LPL: variants seen among roughly 807,000 people sequenced by gnomAD.
LPL encodes lipoprotein lipase.
LPL carries 43 observed loss-of-function variants against 52.2 expected under a neutral mutation model. That is an observed-to-expected ratio of 0.82 (90% CI 0.64 to 1.06). The LOEUF (loss-of-function observed/expected upper bound fraction) is 1.06, where lower values mean the gene tolerates loss of function less well. Ranked by LOEUF, LPL falls within the 50% of genes least tolerant of loss-of-function variation. LPL has a pLI of 0.00. For synonymous variants in LPL, 244 were observed against 215.6 expected (o/e 1.13, Z -1.15); for missense variants, 639 against 585.3 (o/e 1.09, Z -0.95).
At chr8:19,940,068 G>T (rs1339364033) in intron 1 of LPL, among the ~76,000 whole-genome samples, 1 of 152,206 alleles carries the variant, frequency 6.6e-6, no homozygotes, top group African/African-American at 2.4e-5. Context: ...GCCGCACGGG[G>T]TACGCTCGCC....
chr8:19,956,709 G>C (rs1464591285), intron 6 of LPL, among the ~76,000 whole-genome samples: 1 of 152,128 alleles, frequency 6.6e-6, no homozygotes, highest in African/African-American at 2.4e-5. Context: ...TATTGTCAAA[G>C]GCTGGTTTCA....
rs754858152 is a variant in LPL, at chr8:19,951,822, G to T, written c.303G>T (p.Lys101Asn). Reference protein sequence around the residue: ...WVPKLVAALYKREPDSNVIVV... With the variant: ...WVPKLVAALYNREPDSNVIVV... ...CAAAACTTGTGGCCGCCCTGTACAA[G>T]AGAGAACCAGACTCCAATGTCATTG... The change falls in exon 3 of 10, where the codon AAG becomes AAT. Residue 101 changes from lysine (K) to asparagine (N), a missense_variant. By Grantham distance (94) the Lys-to-Asn change is moderately conservative (BLOSUM62 0). Coordinates refer to ENST00000650287, the MANE Select transcript of LPL (RefSeq NM_000237.3). 6.2e-7 allele frequency: 1 copy of T among 1,614,166 alleles called. No homozygotes were observed. Among genetic ancestry groups the T allele is most frequent in the Non-Finnish European group, 8.5e-7 (1 of 1,180,034 alleles).
intron 4 of LPL, among the ~76,000 whole-genome samples, 195 bp from the exon 5 acceptor site, chr8:19,953,925 T>C (rs988954450): frequency 2.6e-5 from 4 of 152,234 alleles, no homozygotes; most frequent in African/African-American, 9.6e-5. Flanking sequence ...AAGGCTAGTT[T>C]AAGAGACTCA....
rs2069866701 is a variant in LPL, at chr8:19,944,460, A to G, written c.89-3720A>G. Among the ~76,000 whole-genome samples, 1 of 137,062 alleles carries G rather than the reference A, an allele frequency of 7.3e-6. No individual in the cohort carries two copies. 89.9% of individuals were successfully genotyped at this position (137,062 alleles called of 152,430 possible). The stretch of plus-strand genomic sequence containing the variant: ...GAGTGAGAGAAAAGGGGGGAGAGAG[A>G]GAGAAAGGGGTGGGGGGATAACAGG... On this transcript the variant is annotated intron_variant, in intron 1 of 9. Coordinates refer to ENST00000650287, the MANE Select transcript of LPL (RefSeq NM_000237.3). This position sits in a 1 kb window ranked among gnomAD's most constrained non-coding sequence, Gnocchi z 4.2.
intron 9 of LPL, among the ~76,000 whole-genome samples, chr8:19,964,052 A>C (rs1338041922): frequency 2.0e-5 from 3 of 151,892 alleles, no homozygotes; most frequent in Non-Finnish European, 4.4e-5. Context: ...TCCTGGGTTC[A>C]AGCAATTCTC....
At chr8:19,960,133 T>C (rs1443786246) in intron 7 of LPL, among the ~76,000 whole-genome samples, 3 of 152,150 alleles carry the variant, frequency 2.0e-5, no homozygotes, top group Non-Finnish European at 4.4e-5. Flanking sequence ...GGCAACTTGA[T>C]ACTTTTACAA....
chr8:19,941,001 A>G (rs533158830), intron 1 of LPL, among the ~76,000 whole-genome samples: 1 of 152,098 alleles, frequency 6.6e-6, no homozygotes, highest in African/African-American at 2.4e-5. Context: ...AGGCTGAGAG[A>G]TCACTTGAGC....
intron 6 of LPL, 105 bp downstream of exon 6, chr8:19,956,188 G>C: frequency 6.6e-7 from 1 of 1,512,342 alleles, no homozygotes; most frequent in Non-Finnish European, 9.1e-7. Flanking sequence ...GATGATGACT[G>C]GTGTTACTAA....
chr8:19,958,834 G>A (rs1244222153), intron 6 of LPL, among the ~76,000 whole-genome samples: 1 of 152,174 alleles, frequency 6.6e-6, no homozygotes, highest in African/African-American at 2.4e-5. Context: ...CAAACACAGT[G>A]ACATATAGTG....
At chr8:19,943,618 T>TA (rs1470856743) in intron 1 of LPL, among the ~76,000 whole-genome samples, 2 of 152,176 alleles carry the variant, frequency 1.3e-5, no homozygotes, top group Non-Finnish European at 2.9e-5. Flanking sequence ...GTATTTCACT[T>TA]AAAAAATCTT....
chr8:19,965,174 T>C lies in LPL; in HGVS notation c.*-136T>C. 4.4e-6 allele frequency: 3 copies of C among 685,454 alleles called. No individual in the cohort carries two copies. The Admixed American group carries it at 6.3e-5, about 14-fold the overall frequency. 42.5% of individuals were successfully genotyped at this position (685,454 alleles called of 1,614,324 possible). Reference sequence around the variant, plus strand: ...TCTGATCCATTATACACATCTCCCCTGGGTTTATTCTCACAACCTTTGTTC... The same window carrying C: ...TCTGATCCATTATACACATCTCCCCCGGGTTTATTCTCACAACCTTTGTTC... On this transcript the variant is annotated intron_variant, in intron 9 of 9. Transcript: ENST00000650287.
intron 7 of LPL, 55 bp from the exon 8 acceptor site, chr8:19,960,846 G>T (rs2070031618): frequency 1.2e-5 from 16 of 1,312,834 alleles, no homozygotes; most frequent in Non-Finnish European, 1.8e-5. Context: ...AAAAAAGTGG[G>T]GGGCAGGGAG....
Position 19,965,767 on chromosome 8 carries a change from A to T in LPL, c.*457A>T, listed in dbSNP as rs2070081526. 1 of 158,182 alleles carries T rather than the reference A, an allele frequency of 6.3e-6. No individual in the cohort carries two copies. The highest frequency in any genetic ancestry group is 1.4e-5 in the Non-Finnish European group (1 of 72,040). The allele number at this position is 158,182 out of a possible 1,614,324, so 9.8% of individuals were successfully genotyped here. On this transcript the variant is annotated 3_prime_UTR_variant, in exon 10 of 10. Coordinates refer to ENST00000650287, the MANE Select transcript of LPL (RefSeq NM_000237.3). Reference sequence around the variant, plus strand: ...ACAGAAAATGCTTTTCCGCGGCACGAATCAGACTCATCTACACAGCAGTAT... The same window carrying T: ...ACAGAAAATGCTTTTCCGCGGCACGTATCAGACTCATCTACACAGCAGTAT...
chr8:19,954,317 G>A lies in LPL; in HGVS notation c.739G>A (p.Glu247Lys), dbSNP rs905583712. The stretch of plus-strand genomic sequence containing the variant: ...TTTTCAGCCAGGATGTAACATTGGA[G>A]AAGCTATCCGCGTGATTGCAGAGAG... ...GTFQPGCNIGEAIRVIAERGL... is the reference protein window; with the variant it reads ...GTFQPGCNIGKAIRVIAERGL... Residue 247 changes from glutamate to lysine, a missense_variant, in exon 5 of 10, where the codon GAA becomes AAA. Glu to Lys is a moderately conservative substitution (Grantham distance 56). Coordinates refer to ENST00000650287, the MANE Select transcript of LPL (RefSeq NM_000237.3). 1 of 1,614,042 alleles carries A rather than the reference G, an allele frequency of 6.2e-7. No individual in the cohort carries two copies. The highest frequency in any genetic ancestry group is 1.3e-5 in the African/African-American group (1 of 74,908).
At chr8:19,952,538 G>A (rs539518524) in intron 3 of LPL, among the ~76,000 whole-genome samples, 17 of 152,270 alleles carry the variant, frequency 1.1e-4, no homozygotes, top group African/African-American at 4.1e-4. Flanking sequence ...CCTCTGAAAA[G>A]TATCTTGGGG....
At chr8:19,959,073 C>T (rs148456455) in intron 6 of LPL, among the ~76,000 whole-genome samples, 187 bp from the exon 7 acceptor site, 96 of 152,250 alleles carry the variant, frequency 6.3e-4, no homozygotes, top group Non-Finnish European at 1.0e-3. Context: ...AATTCAAGGT[C>T]TGCATTTTCT....
Position 19,954,175 on chromosome 8 carries a change from T to C in LPL, c.597T>C (p.Ser199=). 3 of 1,614,166 alleles carry C rather than the reference T, an allele frequency of 1.9e-6. No individual in the cohort carries two copies. The highest frequency in any genetic ancestry group is 2.5e-6 in the Non-Finnish European group (3 of 1,180,042). ...ATGCAGAAGCCCCGAGTCGTCTTTC[T>C]CCTGATGATGCAGATTTTGTAGACG... The part of the protein sequence containing the change: ...FEYAEAPSRL[S]PDDADFVDVL... Residue 199 remains serine (S), a synonymous_variant, in exon 5 of 10, where the codon TCT becomes TCC. Transcript: ENST00000650287.
chr8:19,939,497 C>G lies in LPL; in HGVS notation c.57C>G (p.Thr19=), dbSNP rs771409952. ...LTLAVWLQSL[T]ASRGGVAAAD... is the part of the protein sequence containing the mutation. ...TGGCCGTGTGGCTCCAGAGTCTGAC[C>G]GCCTCCCGCGGAGGGGTGGCCGCCG... Residue 19 remains threonine (T), a synonymous_variant, in exon 1 of 10, where the codon ACC becomes ACG. Transcript: ENST00000650287. The surrounding 1 kb of genome is among the most constrained non-coding windows in gnomAD (Gnocchi z 4.0). The G allele has an allele frequency of 6.2e-7, 1 of 1,610,284 alleles. No individual in the cohort carries two copies. The highest frequency in any genetic ancestry group is 1.3e-5 in the African/African-American group (1 of 74,886).
chr8:19,965,267 T>C, intron 9 of LPL, 43 bp from the exon 10 acceptor site: 1 of 780,274 alleles, frequency 1.3e-6, no homozygotes, highest in East Asian at 2.4e-5. Flanking sequence ...TGTAAAACAC[T>C]CAGAAGATAA....
Sources: gnomAD v4.1 joint callset for allele counts (sites outside exome capture counted in the v4.1 genomes callset) on GRCh38, gnomAD v4.1.1 for gene constraint, Gnocchi (gnomAD v3.1) non-coding constraint, MANE v1.5 for transcripts, NCBI Gene and HGNC (gene_info 2026-07-23, HGNC 2026-07-21) for gene names.